SLC22A3: variants seen among roughly 807,000 people sequenced by gnomAD.
SLC22A3 encodes solute carrier family 22 member 3.
In SLC22A3, 51 loss-of-function variants were observed where a neutral mutation model predicts 59.1. That is an observed-to-expected ratio of 0.86 (90% CI 0.69 to 1.09). The LOEUF (loss-of-function observed/expected upper bound fraction) is 1.09, where lower values mean the gene tolerates loss of function less well. SLC22A3 is among the 50% of genes least tolerant of loss of function. SLC22A3 has a pLI of 0.00. For synonymous variants in SLC22A3, 325 were observed against 292.0 expected (o/e 1.11, Z -1.15); for missense variants, 711 against 726.3 (o/e 0.98, Z 0.24).
intron 7 of SLC22A3, 87 bp downstream of exon 7, chr6:160,437,298 G>C: frequency 7.5e-7 from 1 of 1,329,126 alleles, no homozygotes; most frequent in South Asian, 1.2e-5. Context: ...CTTGTTCTTA[G>C]GAAATGTGCA....
intron 7 of SLC22A3, among the ~76,000 whole-genome samples, chr6:160,438,393 T>C (rs1465400249): frequency 1.3e-5 from 2 of 152,128 alleles, no homozygotes; most frequent in Admixed American, 6.5e-5. Flanking sequence ...ATCCTTTGTG[T>C]CTGCACAAAA....
At chr6:160,430,339 C>CCTAACCCTGA (rs1308032820) in intron 5 of SLC22A3, among the ~76,000 whole-genome samples, 1 of 152,022 alleles carries the variant, frequency 6.6e-6, no homozygotes, top group Non-Finnish European at 1.5e-5. Flanking sequence ...ACATGTCTGG[C>CCTAACCCTGA]CTAACCCTGA....
chr6:160,441,177 T>C (rs1341065157), intron 7 of SLC22A3, among the ~76,000 whole-genome samples: 1 of 151,926 alleles, frequency 6.6e-6, no homozygotes, highest in Non-Finnish European at 1.5e-5. Flanking sequence ...AGCCCGGGAG[T>C]GGCAGGAGAT....
intron 5 of SLC22A3, among the ~76,000 whole-genome samples, chr6:160,411,279 G>A (rs187126543): frequency 9.9e-5 from 15 of 151,684 alleles, no homozygotes; most frequent in Non-Finnish European, 1.6e-4. Flanking sequence ...TTTAAGTTTG[G>A]CCCTGAAAAA....
At chr6:160,421,406 T>C (rs768545994) in intron 5 of SLC22A3, among the ~76,000 whole-genome samples, 1 of 152,220 alleles carries the variant, frequency 6.6e-6, no homozygotes, top group Non-Finnish European at 1.5e-5. Context: ...CTTTGCGACA[T>C]GACATTGGCA....
In SLC22A3 at chr6:160,348,593, G is replaced by T. The variant is rs748655802; in HGVS notation, c.174G>T (p.Ala58=). 4.0e-6 allele frequency: 6 copies of T among 1,517,422 alleles called. No homozygotes were observed. The highest frequency in any genetic ancestry group is 5.3e-6 in the Non-Finnish European group (6 of 1,141,414). 94.0% of individuals were successfully genotyped at this position (1,517,422 alleles called of 1,614,324 possible). The change falls in exon 1 of 11, where the codon GCG becomes GCT. Residue 58 remains alanine (A), a synonymous_variant. Coordinates refer to ENST00000275300, the MANE Select transcript of SLC22A3 (RefSeq NM_021977.4). Reference sequence around the variant, plus strand: ...GGTGCCGCGGGCCAAGTGCCGCGGCGCTGGCCGAGCGCTGCGGCTGGAGCC... The same window carrying T: ...GGTGCCGCGGGCCAAGTGCCGCGGCTCTGGCCGAGCGCTGCGGCTGGAGCC... ...HYWCRGPSAA[A]LAERCGWSPE... is the part of the protein sequence containing the mutation.
chr6:160,443,947 T>A (rs1279683230), intron 9 of SLC22A3, among the ~76,000 whole-genome samples: 2 of 152,226 alleles, frequency 1.3e-5, no homozygotes, highest in Non-Finnish European at 2.9e-5. Flanking sequence ...TAATGAATGG[T>A]TTTAATTTAC....
intron 5 of SLC22A3, among the ~76,000 whole-genome samples, chr6:160,420,261 G>T (rs1303069403): frequency 6.6e-6 from 1 of 152,138 alleles, no homozygotes; most frequent in East Asian, 1.9e-4. Context: ...TGCAGCCTTG[G>T]AGCAGGCTAG....
intron 5 of SLC22A3, among the ~76,000 whole-genome samples, chr6:160,420,125 C>T (rs1180456745): frequency 2.0e-5 from 3 of 152,218 alleles, no homozygotes; most frequent in Non-Finnish European, 4.4e-5. Flanking sequence ...CAAATGGAAA[C>T]TCAGCCTGGC....
intron 1 of SLC22A3, among the ~76,000 whole-genome samples, chr6:160,394,661 A>G (rs1450094277): frequency 6.6e-6 from 1 of 152,236 alleles, no homozygotes; most frequent in Non-Finnish European, 1.5e-5. Flanking sequence ...AAAAACAGAA[A>G]CCAGGCTAGG....
rs1360499389 is a variant in SLC22A3, at chr6:160,451,347, C to T, written c.*291C>T. 1.8e-5 allele frequency: 7 copies of T among 389,964 alleles called. No homozygotes were observed. The highest frequency in any genetic ancestry group is 2.9e-5 in the Non-Finnish European group (6 of 209,880). 24.2% of individuals were successfully genotyped at this position (389,964 alleles called of 1,614,324 possible). On this transcript the variant is annotated 3_prime_UTR_variant, in exon 11 of 11. Transcript: ENST00000275300. Reference sequence around the variant, plus strand: ...TTCTTGTGTTCCCTGTGGTCTCTGACCCATTAGGCTAAAGAGAGACAAGAG... The same window carrying T: ...TTCTTGTGTTCCCTGTGGTCTCTGATCCATTAGGCTAAAGAGAGACAAGAG...
rs755807726 is a variant in SLC22A3 at position 160,436,798 on chromosome 6, G to A, written c.994G>A (p.Glu332Lys). ...NYSEITVTDE[E>K]VSNPSFLDLV... The stretch of plus-strand genomic sequence containing the variant: ...TATATAGATCACTGTTACAGATGAG[G>A]AAGTTAGTAATCCATCCTTTTTAGA... Residue 332 changes from glutamate (E) to lysine (K), a missense_variant, in exon 6 of 11, where the codon GAA becomes AAA. Glu to Lys is a moderately conservative substitution (Grantham distance 56, BLOSUM62 1). Coordinates refer to ENST00000275300, the MANE Select transcript of SLC22A3 (RefSeq NM_021977.4). 1.2e-6 allele frequency: 2 copies of A among 1,611,842 alleles called. No individual in the cohort carries two copies. The highest frequency in any genetic ancestry group is 2.2e-5 in the East Asian group (1 of 44,834).
intron 10 of SLC22A3, among the ~76,000 whole-genome samples, chr6:160,448,382 T>C (rs541411655): frequency 6.6e-6 from 1 of 152,260 alleles, no homozygotes; most frequent in South Asian, 2.1e-4. Context: ...GGATGATAGA[T>C]AGATATAATA....
intron 1 of SLC22A3, among the ~76,000 whole-genome samples, chr6:160,353,301 CCT>C (rs1784722809): frequency 6.6e-6 from 1 of 152,182 alleles, no homozygotes; most frequent in African/African-American, 2.4e-5. Context: ...ATCTCCTGCT[CCT>C]CTCTGGCAGC....
intron 4 of SLC22A3, 98 bp downstream of exon 4, chr6:160,409,019 T>C (rs551647087): frequency 1.5e-4 from 152 of 995,620 alleles, no homozygotes; most frequent in Middle Eastern, 6.0e-4. Flanking sequence ...AATTTTCTTT[T>C]TTTTTTTTTT....
At chr6:160,429,996 T>C (rs1438528935) in intron 5 of SLC22A3, among the ~76,000 whole-genome samples, 1 of 152,104 alleles carries the variant, frequency 6.6e-6, no homozygotes, top group African/African-American at 2.4e-5. Flanking sequence ...CTCTCAAATG[T>C]TATAAAACAT....
chr6:160,384,598 G>A (rs1028486892), intron 1 of SLC22A3, among the ~76,000 whole-genome samples: 8 of 152,192 alleles, frequency 5.3e-5, no homozygotes, highest in South Asian at 2.1e-4. Flanking sequence ...CAAGAGAATC[G>A]TGCAAGCTTT....
chr6:160,374,795 G>A (rs1785530285), intron 1 of SLC22A3, among the ~76,000 whole-genome samples: 3 of 152,228 alleles, frequency 2.0e-5, no homozygotes, highest in South Asian at 2.1e-4. Context: ...AGACTTGGCA[G>A]TGGGAGGGCA....
intron 1 of SLC22A3, among the ~76,000 whole-genome samples, chr6:160,378,862 G>A (rs1180280319): frequency 2.0e-5 from 3 of 152,128 alleles, no homozygotes; most frequent in Non-Finnish European, 4.4e-5. Context: ...CCTTGTGATC[G>A]CATCACTGAC....
Sources: allele counts gnomAD v4.1 joint callset (sites outside exome capture counted in the v4.1 genomes callset), GRCh38; gene constraint gnomAD v4.1.1; transcripts MANE v1.5; gene names NCBI Gene and HGNC (gene_info 2026-07-23, HGNC 2026-07-21).